NFATC2: variants seen among roughly 807,000 people sequenced by gnomAD.
The protein encoded by NFATC2 is nuclear factor of activated T cells 2, also known as nuclear factor of activated T-cells, cytoplasmic 2.
NFATC2 carries 22 observed loss-of-function variants against 87.3 expected under a neutral mutation model. That is an observed-to-expected ratio of 0.25 (90% CI 0.18 to 0.36). NFATC2 has a LOEUF of 0.36. NFATC2 is among the 10% of genes least tolerant of loss of function. The probability of loss-of-function intolerance (pLI) is 1.00; values close to 1 mark genes in which losing one functional copy is unlikely to be tolerated. For synonymous variants in NFATC2, 565 were observed against 542.2 expected (o/e 1.04, Z -0.58); for missense variants, 1,149 against 1,259.1 (o/e 0.91, Z 1.32).
rs369713865 is a variant in NFATC2, at chr20:51,523,133, G to A, written c.1108C>T (p.Leu370=). The change falls in exon 2 of 11, where the codon CTG becomes TTG. Residue 370 remains leucine, a synonymous_variant. Transcript: ENST00000371564. The surrounding 1 kb of genome is among the most constrained non-coding windows in gnomAD (Gnocchi z 6.9). ...GGCTTGGGCCAAGTGGGCGGAACCA[G>A]CAGGATGGATTCTGGAGCCGAGTTT... ...RRNSAPESIL[L]VPPTWPKPLV... The A allele has an allele frequency of 2.5e-6, 4 of 1,614,136 alleles. No homozygotes were observed. In the African/African-American group the frequency reaches 4.0e-5, roughly 16 times the overall value.
intron 3 of NFATC2, among the ~76,000 whole-genome samples, chr20:51,483,894 T>G (rs1989487631): frequency 1.4e-5 from 2 of 147,470 alleles, no homozygotes; most frequent in South Asian, 4.4e-4. Context: ...TACCCACCCC[T>G]CTCCCTCCAC....
intron 3 of NFATC2, among the ~76,000 whole-genome samples, chr20:51,482,676 T>C (rs1989364574): frequency 6.6e-6 from 1 of 152,082 alleles, no homozygotes; most frequent in South Asian, 2.1e-4. Context: ...GTAAAAACAC[T>C]TCAGATCTAC....
At chr20:51,435,583 G>A in intron 7 of NFATC2, 123 bp downstream of exon 7, 6 of 1,063,470 alleles carry the variant, frequency 5.6e-6, no homozygotes, top group Non-Finnish European at 5.5e-6. Flanking sequence ...TGCACATATT[G>A]AGTACCTGTT....
At chr20:51,412,907 C>CAGGAGA (rs563563111) in intron 9 of NFATC2, among the ~76,000 whole-genome samples, 4 of 151,860 alleles carry the variant, frequency 2.6e-5, no homozygotes, top group African/African-American at 9.7e-5. Context: ...ACAAGGAGCA[C>CAGGAGA]AGGAGAAGGA....
chr20:51,400,014 T>C (rs796074922), intron 9 of NFATC2, among the ~76,000 whole-genome samples: 13 of 152,236 alleles, frequency 8.5e-5, no homozygotes, highest in African/African-American at 3.1e-4. Flanking sequence ...GTTCCCATGA[T>C]GGGAAACACA....
chr20:51,486,339 C>G (rs942469225), intron 3 of NFATC2, among the ~76,000 whole-genome samples: 6 of 152,202 alleles, frequency 3.9e-5, no homozygotes, highest in Non-Finnish European at 2.9e-5. Flanking sequence ...CTCCTTGCTG[C>G]TCCTGGAACA....
chr20:51,477,576 T>TAA (rs1555803320), intron 3 of NFATC2, among the ~76,000 whole-genome samples: 1,648 of 73,772 alleles, frequency 0.022, 16 homozygotes, highest in Middle Eastern at 0.049. Flanking sequence ...TATATATATA[T>TAA]ATATAAAATA....
intron 9 of NFATC2, among the ~76,000 whole-genome samples, chr20:51,418,659 GTTTTT>G (rs752511466): frequency 2.4e-5 from 3 of 125,106 alleles, no homozygotes; most frequent in Non-Finnish European, 1.6e-5. Context: ...TGTTTGTTTG[GTTTTT>G]TTTTTTTTTT....
At chr20:51,453,861 A>G (rs767986058) in intron 6 of NFATC2, among the ~76,000 whole-genome samples, 3 of 152,248 alleles carry the variant, frequency 2.0e-5, no homozygotes, top group Non-Finnish European at 2.9e-5. Context: ...ATATGTATTT[A>G]AAGTCCTCAG....
intron 1 of NFATC2, among the ~76,000 whole-genome samples, chr20:51,560,371 C>G (rs773645003): frequency 6.6e-6 from 1 of 151,450 alleles, no homozygotes; most frequent in Non-Finnish European, 1.5e-5. Context: ...GAACAAAGCT[C>G]ACCCTGGGTT....
intron 3 of NFATC2, among the ~76,000 whole-genome samples, chr20:51,499,703 C>T (rs1172505852): frequency 6.6e-6 from 1 of 151,182 alleles, no homozygotes; most frequent in East Asian, 1.9e-4. Context: ...GATCGCACCA[C>T]TGCACTCCAG....
chr20:51,517,635 G>A (rs1987430), intron 2 of NFATC2, among the ~76,000 whole-genome samples: 9,266 of 151,790 alleles, frequency 0.061, 340 homozygotes, highest in Middle Eastern at 0.14. Flanking sequence ...AACAACACAA[G>A]GCTGGGTGCA....
At chr20:51,457,375 T>C (rs896704016) in intron 5 of NFATC2, among the ~76,000 whole-genome samples, 3 of 152,154 alleles carry the variant, frequency 2.0e-5, no homozygotes, top group Non-Finnish European at 4.4e-5. Flanking sequence ...CCAGGAGGCC[T>C]GGGGACTGGA....
At chr20:51,411,341 C>T (rs1568940952) in intron 9 of NFATC2, among the ~76,000 whole-genome samples, 1 of 151,878 alleles carries the variant, frequency 6.6e-6, no homozygotes, top group South Asian at 2.1e-4. Context: ...CCTGAGTTAA[C>T]CACTGAAGTT....
At chr20:51,456,519 G>A (rs1437423727) in intron 5 of NFATC2, among the ~76,000 whole-genome samples, 1 of 152,186 alleles carries the variant, frequency 6.6e-6, no homozygotes, top group Non-Finnish European at 1.5e-5. Context: ...AGAAAAGAAT[G>A]AAAACCTGCT....
rs746026307 is a variant in NFATC2 at position 51,523,444 on chromosome 20, C to T, written c.797G>A (p.Gly266Glu). ...GCTCCGGGAGCGCTGGGGTGAGGCT[C>T]CGGGCGGCAGGGCAACCAAGGCCTC... ...CAEALVALPPGASPQRSRSPS... is the reference protein window; with the variant it reads ...CAEALVALPPEASPQRSRSPS... Residue 266 changes from glycine to glutamate, a missense_variant, in exon 2 of 11, where the codon GGA becomes GAA. Coordinates refer to ENST00000371564, the MANE Select transcript of NFATC2 (RefSeq NM_012340.5). This position sits in a 1 kb window ranked among gnomAD's most constrained non-coding sequence, Gnocchi z 6.9. The T allele has an allele frequency of 5.0e-6, 8 of 1,609,178 alleles. No individual in the cohort carries two copies. Among genetic ancestry groups the T allele is most frequent in the Non-Finnish European group, 6.8e-6 (8 of 1,177,728 alleles).
At chr20:51,411,437 C>A (rs912207702) in intron 9 of NFATC2, among the ~76,000 whole-genome samples, 1 of 151,752 alleles carries the variant, frequency 6.6e-6, no homozygotes, top group African/African-American at 2.4e-5. Context: ...CATACACACA[C>A]CCATACACAC....
rs1297188285 is a variant in NFATC2, at chr20:51,388,914, G to A, written c.*2582C>T. ...TTAGAGGATCTTATTGCCTCTTCCC[G>A]TACTGGAAATATTTCATGAGCCATC... On this transcript the variant is annotated 3_prime_UTR_variant, in exon 11 of 11. Coordinates refer to ENST00000371564, the MANE Select transcript of NFATC2 (RefSeq NM_012340.5). 1 of 152,038 alleles carries A rather than the reference G, an allele frequency of 6.6e-6. No individual in the cohort carries two copies. The highest frequency in any genetic ancestry group is 1.5e-5 in the Non-Finnish European group (1 of 68,014). 9.4% of individuals were successfully genotyped at this position (152,038 alleles called of 1,614,324 possible).
At chr20:51,505,108 G>A (rs1438087529) in intron 3 of NFATC2, among the ~76,000 whole-genome samples, 1 of 142,894 alleles carries the variant, frequency 7.0e-6, no homozygotes, top group African/African-American at 2.7e-5. Context: ...CCACCTCCCG[G>A]GTTCACACCA....
Sources: gnomAD v4.1 joint callset for allele counts (sites outside exome capture counted in the v4.1 genomes callset) on GRCh38, gnomAD v4.1.1 for gene constraint, Gnocchi (gnomAD v3.1) non-coding constraint, MANE v1.5 for transcripts, NCBI Gene and HGNC (gene_info 2026-07-23, HGNC 2026-07-21) for gene names.